LRRC7: variants seen among roughly 807,000 people sequenced by gnomAD.
LRRC7 encodes leucine-rich repeat-containing protein 7.
Under a neutral mutation model 175.7 loss-of-function variants are expected in LRRC7, and 23 were observed. The observed-to-expected ratio is 0.13, with a 90% confidence interval of 0.09 to 0.19. LRRC7 has a LOEUF of 0.19. Among genes scored for constraint, LRRC7 ranks in the 10% least tolerant of loss-of-function variants. The pLI is 1.00. For missense variants in LRRC7, 1,354 were observed against 1,904.7 expected, an observed-to-expected ratio of 0.71 and a Z score of 5.38; for synonymous variants, 685 against 680.9, an observed-to-expected ratio of 1.01 and a Z score of -0.09.
At chr1:69,765,327 A>C (rs1671508740) in intron 3 of LRRC7, among the ~76,000 whole-genome samples, 1 of 152,116 alleles carries the variant, frequency 6.6e-6, no homozygotes, top group South Asian at 2.1e-4. Flanking sequence ...TGCTGCAGTA[A>C]AAACAAATCA....
chr1:69,671,245 G>A (rs962239165), intron 1 of LRRC7, among the ~76,000 whole-genome samples: 6 of 152,072 alleles, frequency 3.9e-5, no homozygotes, highest in African/African-American at 1.2e-4. Flanking sequence ...TCCCCTCAAG[G>A]CAGCATGTTC....
Position 70,133,153 on chromosome 1 carries a change from T to G in LRRC7, c.*11266T>G, listed in dbSNP as rs895636792. Among the ~76,000 whole-genome samples, 2 of 152,134 alleles carry G rather than the reference T, an allele frequency of 1.3e-5. No homozygotes were observed. The highest frequency in any genetic ancestry group is 4.8e-5 in the African/African-American group (2 of 41,422). On this transcript the variant is annotated 3_prime_UTR_variant, in exon 27 of 27. Coordinates refer to ENST00000651989, the MANE Select transcript of LRRC7 (RefSeq NM_001370785.2). Reference sequence around the variant, plus strand: ...TAGATGGAGACCTCATATCTACATTTTAAATCCCAGCCTTGGCAATTCTCT... The same window carrying G: ...TAGATGGAGACCTCATATCTACATTGTAAATCCCAGCCTTGGCAATTCTCT...
chr1:69,760,449 A>C, intron 3 of LRRC7, 56 bp downstream of exon 3: 1 of 1,418,864 alleles, frequency 7.0e-7, no homozygotes, highest in Non-Finnish European at 9.9e-7. Flanking sequence ...TAATTTTCAA[A>C]TACTTTATTA....
Position 69,668,928 on chromosome 1 carries a change from G to A in LRRC7, c.3-9453G>A, listed in dbSNP as rs554410465. Among the ~76,000 whole-genome samples, 8 of 152,066 alleles carry A rather than the reference G, an allele frequency of 5.3e-5. No homozygotes were observed. The South Asian group carries it at 1.7e-3, about 32-fold the overall frequency. On this transcript the variant is annotated intron_variant, in intron 1 of 26. Coordinates refer to ENST00000651989, the MANE Select transcript of LRRC7 (RefSeq NM_001370785.2). ...TGAGCTTTTTTTCATATGTTTTTTG[G>A]CCACATAAATGTCTTCTTTTGAGAA...
chr1:70,013,030 T>C lies in LRRC7; in HGVS notation c.1191T>C (p.Phe397=). 2.5e-6 allele frequency: 4 copies of C among 1,586,674 alleles called. No individual in the cohort carries two copies. Among genetic ancestry groups the C allele is most frequent in the Non-Finnish European group, 2.6e-6 (3 of 1,165,554 alleles). The stretch of plus-strand genomic sequence containing the variant: ...CTCTACGCTCCAACAAATTAGAATT[T>C]CTTCCTGAAGAGATTGGACAGATGC... ...VMSLRSNKLE[F]LPEEIGQMQK... The change falls in exon 13 of 27, where the codon TTT becomes TTC. Residue 397 remains phenylalanine, a synonymous_variant. Transcript: ENST00000651989.
At chr1:69,725,132 T>C (rs1476573209) in intron 2 of LRRC7, among the ~76,000 whole-genome samples, 1 of 152,076 alleles carries the variant, frequency 6.6e-6, no homozygotes, top group Non-Finnish European at 1.5e-5. Context: ...TCTTATGATA[T>C]GGCCAGAAAA....
At chr1:69,707,167 T>A (rs751600447) in intron 2 of LRRC7, among the ~76,000 whole-genome samples, 1 of 152,180 alleles carries the variant, frequency 6.6e-6, no homozygotes, top group Non-Finnish European at 1.5e-5. Context: ...CCATGTCCAT[T>A]TGATCCTTGT....
chr1:69,843,597 C>A (rs1375834208), intron 7 of LRRC7, among the ~76,000 whole-genome samples: 2 of 151,886 alleles, frequency 1.3e-5, no homozygotes, highest in Non-Finnish European at 2.9e-5. Flanking sequence ...AGTGATTTTG[C>A]CCCTGAAAAC....
At chr1:69,700,109 A>G (rs1663155951) in intron 2 of LRRC7, among the ~76,000 whole-genome samples, 1 of 152,184 alleles carries the variant, frequency 6.6e-6, no homozygotes, top group Non-Finnish European at 1.5e-5. Flanking sequence ...CTAGGGGTCC[A>G]AAAGGTACAG....
intron 6 of LRRC7, among the ~76,000 whole-genome samples, chr1:69,836,825 A>G (rs1360299200): frequency 6.6e-6 from 1 of 151,786 alleles, no homozygotes; most frequent in Non-Finnish European, 1.5e-5. Context: ...ACTTTATTTC[A>G]TATACAGATT....
intron 7 of LRRC7, among the ~76,000 whole-genome samples, chr1:69,857,291 G>C (rs1192256688): frequency 1.3e-5 from 2 of 152,034 alleles, no homozygotes; most frequent in African/African-American, 2.4e-5. Flanking sequence ...AAGAAATAAA[G>C]GGTATCCAAT....
intron 24 of LRRC7, among the ~76,000 whole-genome samples, chr1:70,086,510 G>A (rs1663623988): frequency 6.6e-6 from 1 of 152,032 alleles, no homozygotes; most frequent in Admixed American, 6.6e-5. Flanking sequence ...CTGGCGTGGT[G>A]GCTCACGACT....
chr1:69,678,940 G>T (rs369277716), intron 2 of LRRC7, among the ~76,000 whole-genome samples: 74 of 151,904 alleles, frequency 4.9e-4, no homozygotes, highest in Admixed American at 2.6e-3. Flanking sequence ...GATATCTGCC[G>T]GTAAATGTAA....
At chr1:69,690,862 G>A (rs1231281018) in intron 2 of LRRC7, among the ~76,000 whole-genome samples, 1 of 152,196 alleles carries the variant, frequency 6.6e-6, no homozygotes, top group Non-Finnish European at 1.5e-5. Context: ...GTTGTTGGTT[G>A]AGGTAAGGAG....
At chr1:69,843,777 G>A (rs1009346064) in intron 7 of LRRC7, among the ~76,000 whole-genome samples, 3 of 152,068 alleles carry the variant, frequency 2.0e-5, no homozygotes, top group African/African-American at 7.2e-5. Context: ...TACACCGACA[G>A]CTGCACACTG....
chr1:69,650,472 A>G lies in LRRC7; in HGVS notation c.3-27909A>G, dbSNP rs1242820801. Among the ~76,000 whole-genome samples, 4 of 146,804 alleles carry G rather than the reference A, an allele frequency of 2.7e-5. No homozygotes were observed. The South Asian group carries it at 6.7e-4, about 25-fold the overall frequency. On this transcript the variant is annotated intron_variant, in intron 1 of 26. Transcript: ENST00000651989. ...GGAGAATGGCGTGAACCTGGGAGGC[A>G]GAGCTTGCAGTGAGCCGAGATCGCG...
At chr1:70,081,719 A>G (rs1663225323) in intron 24 of LRRC7, among the ~76,000 whole-genome samples, 1 of 152,180 alleles carries the variant, frequency 6.6e-6, no homozygotes, top group Non-Finnish European at 1.5e-5. Flanking sequence ...GAGTGAAACG[A>G]TGGAAAAATG....
intron 3 of LRRC7, among the ~76,000 whole-genome samples, chr1:69,787,858 G>A (rs1674662371): frequency 6.6e-6 from 1 of 152,092 alleles, no homozygotes; most frequent in Non-Finnish European, 1.5e-5. Context: ...AATTGTGGGA[G>A]CCACAGGATG....
intron 8 of LRRC7, among the ~76,000 whole-genome samples, chr1:69,933,469 A>G (rs1206619186): frequency 6.6e-6 from 1 of 152,216 alleles, no homozygotes; most frequent in Non-Finnish European, 1.5e-5. Flanking sequence ...AAGACCTAAG[A>G]TCTGCCCACA....
Sources: allele counts gnomAD v4.1 joint callset (sites outside exome capture counted in the v4.1 genomes callset), GRCh38; gene constraint gnomAD v4.1.1; transcripts MANE v1.5; gene names NCBI Gene and HGNC (gene_info 2026-07-23, HGNC 2026-07-21).